The following GRIK5 variants were observed in gnomAD, a reference collection of about 807,000 sequenced individuals.
The protein encoded by GRIK5 is glutamate receptor ionotropic, kainate 5.
Under a neutral mutation model 97.4 loss-of-function variants are expected in GRIK5, and 43 were observed. That is an observed-to-expected ratio of 0.44 (90% CI 0.35 to 0.57). The LOEUF (loss-of-function observed/expected upper bound fraction) is 0.57. Among genes scored for constraint, GRIK5 ranks in the 20% least tolerant of loss-of-function variants. The pLI, the probability that GRIK5 is intolerant of heterozygous loss-of-function variation, is 0.01. For synonymous variants in GRIK5, 580 were observed against 583.5 expected (o/e 0.99, Z 0.09); for missense variants, 1,015 against 1,382.0 (o/e 0.73, Z 4.21).
At position 42,056,832 on chromosome 19, in the gene GRIK5, AG is replaced by A. The variant is rs1234230672; in HGVS notation, c.742-10del. 1 of 1,613,978 alleles carries A rather than the reference AG, an allele frequency of 6.2e-7. No individual in the cohort carries two copies. The highest frequency in any genetic ancestry group is 1.3e-5 in the African/African-American group (1 of 74,934). On this transcript the variant is annotated splice_polypyrimidine_tract_variant and intron_variant, in intron 7 of 19. Transcript: ENST00000593562. ...TGCAGGATGGGGAAGTCCTGGGACC[AG>A]GAAGAGGTGGTGAGGCCTGGGGCTA...
At position 42,022,002 on chromosome 19, in the gene GRIK5, G is replaced by A. The variant is rs1286120092; in HGVS notation, c.1642C>T (p.Leu548Phe). ...GCCAGGTAGGCAAGAAGCATGAAGA[G>A]CCACACAGCAGGGGAGAAGGGGTCC... Reference protein sequence around the residue: ...FLDPFSPAVWLFMLLAYLAVS... With the variant: ...FLDPFSPAVWFFMLLAYLAVS... The change falls in exon 14 of 20, where the codon CTC becomes TTC. Residue 548 changes from leucine to phenylalanine, a missense_variant. Leu to Phe is a conservative substitution (Grantham distance 22). This residue lies in a region of GRIK5 where 477 missense variants were observed against 701.1 expected (regional missense o/e 0.68). Coordinates refer to ENST00000593562, the MANE Select transcript of GRIK5 (RefSeq NM_002088.5). This position sits in a 1 kb window ranked among gnomAD's most constrained non-coding sequence, Gnocchi z 4.2. 2 of 1,614,032 alleles carry A rather than the reference G, an allele frequency of 1.2e-6. No homozygotes were observed. The highest frequency in any genetic ancestry group is 2.2e-5 in the East Asian group (1 of 44,888).
intron 6 of GRIK5, 70 bp downstream of exon 6, chr19:42,059,279 T>C (rs1444831714): frequency 2.4e-6 from 3 of 1,246,530 alleles, no homozygotes; most frequent in African/African-American, 1.5e-5. Flanking sequence ...CCATGGGCAT[T>C]GGGTGACTTG....
intron 15 of GRIK5, among the ~76,000 whole-genome samples, chr19:42,020,318 GAATAA>G (rs1316098505): frequency 5.3e-5 from 8 of 152,292 alleles, no homozygotes; most frequent in African/African-American, 1.9e-4. Context: ...CCTATTCTTT[GAATAA>G]AATAGGATGT....
intron 15 of GRIK5, among the ~76,000 whole-genome samples, chr19:42,011,258 G>C (rs1225415907): frequency 6.6e-6 from 1 of 151,804 alleles, no homozygotes; most frequent in African/African-American, 2.4e-5. Flanking sequence ...AATGTTACTT[G>C]AAAGTATTTT....
intron 12 of GRIK5, among the ~76,000 whole-genome samples, chr19:42,024,931 T>C (rs2075751115): frequency 1.3e-5 from 2 of 152,154 alleles, no homozygotes. Context: ...ATCTGTCTCT[T>C]CTCTGCCTCT....
Position 42,029,882 on chromosome 19 carries a change from A to G in GRIK5, c.1474-7528T>C, listed in dbSNP as rs1178760951. 2.0e-5 allele frequency among the ~76,000 whole-genome samples: 3 copies of G among 152,088 alleles called. No individual in the cohort carries two copies. The East Asian group carries it at 5.8e-4, about 29-fold the overall frequency. ...CACCAAAATCCAAAAAGTCCACCAA[A>G]TGTCACATCATCAACCAAACAGCAC... On this transcript the variant is annotated intron_variant, in intron 12 of 19. Coordinates refer to ENST00000593562, the MANE Select transcript of GRIK5 (RefSeq NM_002088.5).
At chr19:42,029,396 A>G (rs1313446751) in intron 12 of GRIK5, among the ~76,000 whole-genome samples, 1 of 151,512 alleles carries the variant, frequency 6.6e-6, no homozygotes, top group Non-Finnish European at 1.5e-5. Context: ...TTAACTGAGC[A>G]TAGGTGTTTG....
Position 42,062,811 on chromosome 19 carries a change from A to G in GRIK5, c.289T>C (p.Ser97Pro). Residue 97 changes from serine to proline, a missense_variant, in exon 4 of 20, where the codon TCC (serine) becomes CCC (proline). Around this residue, in one of 5 missense-constraint regions of GRIK5, gnomAD observed 198 missense variants for 218.2 expected, o/e 0.91. Coordinates refer to ENST00000593562, the MANE Select transcript of GRIK5 (RefSeq NM_002088.5). This position sits in a 1 kb window ranked among gnomAD's most constrained non-coding sequence, Gnocchi z 5.3. ...GTGGAGGCAGATGCTGGGCTAGAGGAGGGCCCAAGGACAGACACAACCCCT... is the reference window on the plus strand; with the variant it reads ...GTGGAGGCAGATGCTGGGCTAGAGGGGGGCCCAAGGACAGACACAACCCCT... ...PKGVVSVLGPSSSPASASTVS... is the reference protein window; with the variant it reads ...PKGVVSVLGPPSSPASASTVS... 6.2e-7 allele frequency: 1 copy of G among 1,612,920 alleles called. No individual in the cohort carries two copies. The highest frequency in any genetic ancestry group is 8.5e-7 in the Non-Finnish European group (1 of 1,178,936).
At position 42,056,931 on chromosome 19, in the gene GRIK5, G is replaced by A. The variant is rs1375624202; in HGVS notation, c.735C>T (p.Thr245=). Residue 245 remains threonine (T), a synonymous_variant, in exon 7 of 20, where the codon ACC becomes ACT. Transcript: ENST00000593562. ...GGCCAGAGGGCATACACACCATGGT[G>A]GTGAGGATGTACTTGTAAAACGCTG... The part of the protein sequence containing the change: ...MTSAFYKYIL[T]TMDFPILHLD... The A allele has an allele frequency of 1.3e-6, 2 of 1,584,030 alleles. No individual in the cohort carries two copies. The highest frequency in any genetic ancestry group is 2.3e-5 in the East Asian group (1 of 43,186).
At chr19:42,054,236 G>C in intron 9 of GRIK5, 84 bp downstream of exon 9, 1 of 1,439,026 alleles carries the variant, frequency 6.9e-7, no homozygotes, top group Non-Finnish European at 9.5e-7. Context: ...AGGGAGGGCA[G>C]AGGGCCACAG....
intron 1 of GRIK5, among the ~76,000 whole-genome samples, chr19:42,066,566 A>G (rs2076335623): frequency 2.0e-5 from 3 of 151,994 alleles, no homozygotes; most frequent in Admixed American, 6.6e-5. Context: ...TCAGAAAGAG[A>G]GAAAGGTCAA....
chr19:42,003,774 C>T lies in GRIK5; in HGVS notation c.2264-91G>A. On this transcript the variant is annotated intron_variant, in intron 17 of 19. Coordinates refer to ENST00000593562, the MANE Select transcript of GRIK5 (RefSeq NM_002088.5). The surrounding 1 kb of genome is among the most constrained non-coding windows in gnomAD (Gnocchi z 4.2). ...AAACTGTGCCCTCACCACGGCCTTC[C>T]CCCGCCTCTACCACGTGCCCAGGGT... The T allele has an allele frequency of 7.2e-7, 1 of 1,393,668 alleles. No homozygotes were observed. Among genetic ancestry groups the T allele is most frequent in the South Asian group, 1.5e-5 (1 of 67,626 alleles). 86.3% of individuals were successfully genotyped at this position (1,393,668 alleles called of 1,614,324 possible).
At chr19:42,053,549 A>C in intron 11 of GRIK5, 53 bp downstream of exon 11, 12 of 1,023,384 alleles carry the variant, frequency 1.2e-5, no homozygotes, top group Non-Finnish European at 1.7e-5. Context: ...GGTGGGAGCT[A>C]GGACTGGGCT....
At chr19:42,014,660 G>A (rs552428596) in intron 15 of GRIK5, among the ~76,000 whole-genome samples, 5 of 152,220 alleles carry the variant, frequency 3.3e-5, no homozygotes, top group African/African-American at 1.2e-4. Flanking sequence ...GCATGAACCT[G>A]TAGTCCCAGC....
At chr19:42,024,753 C>T (rs1028782489) in intron 12 of GRIK5, among the ~76,000 whole-genome samples, 3 of 152,208 alleles carry the variant, frequency 2.0e-5, no homozygotes, top group South Asian at 2.1e-4. Context: ...CCCTCTCTCT[C>T]GTGCCAGCTT....
At chr19:42,053,274 C>T (rs2076139569) in intron 11 of GRIK5, among the ~76,000 whole-genome samples, 1 of 152,166 alleles carries the variant, frequency 6.6e-6, no homozygotes. Context: ...TCAAGATGGA[C>T]ACTGAGTTGG....
rs369454891 is a variant in GRIK5 at position 42,021,199 on chromosome 19, G to A, written c.1871+102C>T. The A allele has an allele frequency of 1.3e-5, 12 of 923,634 alleles. No homozygotes were observed. Among genetic ancestry groups the A allele is most frequent in the African/African-American group, 1.7e-5 (1 of 60,064 alleles). 57.2% of individuals were successfully genotyped at this position (923,634 alleles called of 1,614,324 possible). On this transcript the variant is annotated intron_variant, in intron 15 of 19. Coordinates refer to ENST00000593562, the MANE Select transcript of GRIK5 (RefSeq NM_002088.5). The surrounding 1 kb of genome is among the most constrained non-coding windows in gnomAD (Gnocchi z 4.2). ...GTCACACAGCTCTGCAAGGGAAAAC[G>A]GGGAATCAAATCTTCCAGGAGATGC... is the stretch of plus-strand genomic sequence containing the variant.
intron 11 of GRIK5, among the ~76,000 whole-genome samples, chr19:42,047,513 C>T (rs2076057405): frequency 6.6e-6 from 1 of 152,128 alleles, no homozygotes; most frequent in African/African-American, 2.4e-5. Flanking sequence ...ATTTAAGACA[C>T]TGCAGTACTA....
rs2075996902 is a variant in GRIK5, at chr19:42,042,898, A to G, written c.1270-143T>C. The G allele has an allele frequency of 4.6e-6, 3 of 656,090 alleles. No individual in the cohort carries two copies. Among genetic ancestry groups the G allele is most frequent in the Non-Finnish European group, 7.8e-6 (3 of 382,626 alleles). 40.6% of individuals were successfully genotyped at this position (656,090 alleles called of 1,614,324 possible). A position where few individuals can be genotyped will look rare whatever the true frequency, so the allele number is the denominator to read the frequency against. ...TATTCATAGTACACATTTCTCACTT[A>G]CAAATGCTCAGAGTGGGGAATAGAC... On this transcript the variant is annotated intron_variant, in intron 11 of 19. Coordinates refer to ENST00000593562, the MANE Select transcript of GRIK5 (RefSeq NM_002088.5). This position sits in a 1 kb window ranked among gnomAD's most constrained non-coding sequence, Gnocchi z 6.9.
Sources: allele counts gnomAD v4.1 joint callset (sites outside exome capture counted in the v4.1 genomes callset), GRCh38; gene constraint gnomAD v4.1.1; regional missense constraint gnomAD v4.1.1; non-coding constraint Gnocchi (gnomAD v3.1); transcripts MANE v1.5; gene names NCBI Gene and HGNC (gene_info 2026-07-23, HGNC 2026-07-21).